The following SCRN1 variants were observed in gnomAD, a reference collection of about 807,000 sequenced individuals.
SCRN1 encodes secernin 1, also known as secernin-1.
Under a neutral mutation model 43.3 loss-of-function variants are expected in SCRN1, and 19 were observed. The ratio of observed to expected loss-of-function variants is 0.44; its 90% confidence interval spans 0.31 to 0.64. SCRN1 has a LOEUF of 0.64. SCRN1 is among the 30% of genes least tolerant of loss of function. The pLI, the probability that SCRN1 is intolerant of heterozygous loss-of-function variation, is 0.09. For missense variants in SCRN1, 447 were observed against 524.1 expected, an observed-to-expected ratio of 0.85 and a Z score of 1.44; for synonymous variants, 183 against 188.9, an observed-to-expected ratio of 0.97 and a Z score of 0.26.
chr7:29,981,314 C>T (rs751767648), intron 1 of SCRN1, among the ~76,000 whole-genome samples: 48 of 151,916 alleles, frequency 3.2e-4, no homozygotes, highest in Non-Finnish European at 5.9e-4. Flanking sequence ...TATTTTGAGC[C>T]CCTAACCACC....
At chr7:29,967,435 T>C (rs1788534214) in intron 2 of SCRN1, among the ~76,000 whole-genome samples, 1 of 151,482 alleles carries the variant, frequency 6.6e-6, no homozygotes, top group Non-Finnish European at 1.5e-5. Flanking sequence ...CACCATGTTG[T>C]CCAGGCTGGT....
At chr7:29,964,561 C>G (rs1416901162) in intron 2 of SCRN1, among the ~76,000 whole-genome samples, 1 of 152,122 alleles carries the variant, frequency 6.6e-6, no homozygotes, top group Non-Finnish European at 1.5e-5. Context: ...AAAGTATTCT[C>G]TATGATACTA....
chr7:29,948,781 T>G (rs772936314), intron 3 of SCRN1, among the ~76,000 whole-genome samples: 87 of 152,152 alleles, frequency 5.7e-4, no homozygotes, highest in Non-Finnish European at 1.1e-3. Flanking sequence ...GAGCAGATGG[T>G]TAAATTTTAG....
chr7:29,954,750 G>A (rs1018783609), intron 3 of SCRN1, among the ~76,000 whole-genome samples: 8 of 152,116 alleles, frequency 5.3e-5, no homozygotes, highest in Non-Finnish European at 8.8e-5. Context: ...ACATGATCTC[G>A]GCTCACTGCA....
chr7:29,941,415 A>T (rs1787549385), intron 4 of SCRN1, among the ~76,000 whole-genome samples: 1 of 152,252 alleles, frequency 6.6e-6, no homozygotes, highest in Non-Finnish European at 1.5e-5. Context: ...AAAAAATACA[A>T]ATCAAATACT....
Position 29,923,790 on chromosome 7 carries a change from C to T in SCRN1, c.*167G>A, listed in dbSNP as rs535954863. 14 of 719,700 alleles carry T rather than the reference C, an allele frequency of 1.9e-5. No individual in the cohort carries two copies. The highest frequency in any genetic ancestry group is 3.7e-4 in the Middle Eastern group (1 of 2,680). 44.6% of individuals were successfully genotyped at this position (719,700 alleles called of 1,614,324 possible). ...AGGAGACCTACATTGCAGAAGGGGA[C>T]GCTGTGAGATTCAAGGTGGAACACA... On this transcript the variant is annotated 3_prime_UTR_variant, in exon 8 of 8. Coordinates refer to ENST00000242059, the MANE Select transcript of SCRN1 (RefSeq NM_014766.5).
rs920803582 is a variant in SCRN1, at chr7:29,966,167, G to C, written c.159+2742C>G. ...AGAGAGAGACCGAGAGACAGAGAGAGAGAGAGAGAGAGAGAGAGAGAGAGA... is the reference window on the plus strand; with the variant it reads ...AGAGAGAGACCGAGAGACAGAGAGACAGAGAGAGAGAGAGAGAGAGAGAGA... On this transcript the variant is annotated intron_variant, in intron 2 of 7. Transcript: ENST00000242059. Among the ~76,000 whole-genome samples the C allele has an allele frequency of 2.1e-3, 301 of 143,014 alleles. 1 individual carries two copies. The highest frequency in any genetic ancestry group is 0.021 in the Admixed American group (282 of 13,676). 93.8% of individuals were successfully genotyped at this position (143,014 alleles called of 152,430 possible). A position where few individuals can be genotyped will look rare whatever the true frequency, so the allele number is the denominator to read the frequency against.
At chr7:29,983,156 G>A (rs1003244814) in intron 1 of SCRN1, among the ~76,000 whole-genome samples, 1 of 151,808 alleles carries the variant, frequency 6.6e-6, no homozygotes, top group Non-Finnish European at 1.5e-5. Flanking sequence ...TCTCTTCTTT[G>A]GTGTGAGCTT....
At chr7:29,977,983 A>G (rs954726141) in intron 1 of SCRN1, among the ~76,000 whole-genome samples, 1 of 152,198 alleles carries the variant, frequency 6.6e-6, no homozygotes, top group Non-Finnish European at 1.5e-5. Flanking sequence ...GACTTCAGAA[A>G]CTTTCCTTGA....
At chr7:29,970,897 T>A (rs1157249320) in intron 1 of SCRN1, among the ~76,000 whole-genome samples, 1 of 152,214 alleles carries the variant, frequency 6.6e-6, no homozygotes. Flanking sequence ...ACATCCATTT[T>A]GTTATAAAAT....
At chr7:29,958,834 G>C (rs898144197) in intron 2 of SCRN1, among the ~76,000 whole-genome samples, 1 of 152,178 alleles carries the variant, frequency 6.6e-6, no homozygotes, top group Non-Finnish European at 1.5e-5. Flanking sequence ...CCCAGAGCTG[G>C]AGTGTGGGCA....
intron 1 of SCRN1, among the ~76,000 whole-genome samples, chr7:29,983,402 T>C (rs915129450): frequency 2.2e-4 from 33 of 151,350 alleles, no homozygotes; most frequent in Non-Finnish European, 4.3e-4. Flanking sequence ...TGTATACATA[T>C]GTAACTAACC....
chr7:29,981,727 G>A (rs149036410), intron 1 of SCRN1, among the ~76,000 whole-genome samples: 31 of 152,286 alleles, frequency 2.0e-4, no homozygotes, highest in Admixed American at 6.5e-4. Flanking sequence ...TCTGAGGAAG[G>A]GAGGACAGCT....
rs1054487086 is a variant in SCRN1 at position 29,921,002 on chromosome 7, T to A, written c.*2955A>T. 6.5e-6 allele frequency: 1 copy of A among 152,686 alleles called. No individual in the cohort carries two copies. Among genetic ancestry groups the A allele is most frequent in the African/African-American group, 2.4e-5 (1 of 41,476 alleles). The allele number at this position is 152,686 out of a possible 1,614,324, so 9.5% of individuals were successfully genotyped here. ...TCCAAGAATGAAAGGGTACTATTTC[T>A]GCTTTGCTAATTTACTCCTGCCAGA... On this transcript the variant is annotated 3_prime_UTR_variant, in exon 8 of 8. Transcript: ENST00000242059.
At chr7:29,978,377 T>C (rs143737541) in intron 1 of SCRN1, among the ~76,000 whole-genome samples, 1 of 152,352 alleles carries the variant, frequency 6.6e-6, no homozygotes, top group Non-Finnish European at 1.5e-5. Context: ...AGTTGGGTAG[T>C]GGCTCCTCTC....
intron 2 of SCRN1, among the ~76,000 whole-genome samples, chr7:29,963,444 G>A (rs1367086402): frequency 1.3e-5 from 2 of 152,200 alleles, no homozygotes; most frequent in Non-Finnish European, 2.9e-5. Context: ...AGGACAGAAA[G>A]AGCAAAAGCA....
intron 6 of SCRN1, among the ~76,000 whole-genome samples, chr7:29,927,448 A>G (rs1787005454): frequency 6.8e-6 from 1 of 146,072 alleles, no homozygotes; most frequent in Non-Finnish European, 1.5e-5. Flanking sequence ...AGGGACCACT[A>G]TGGCCAACTG....
intron 1 of SCRN1, among the ~76,000 whole-genome samples, chr7:29,976,375 T>C (rs1788838702): frequency 6.6e-6 from 1 of 152,188 alleles, no homozygotes; most frequent in Non-Finnish European, 1.5e-5. Context: ...GCATCTAGAA[T>C]AGTAAAACTC....
chr7:29,966,576 T>G (rs1002368901), intron 2 of SCRN1, among the ~76,000 whole-genome samples: 1 of 152,156 alleles, frequency 6.6e-6, no homozygotes, highest in Non-Finnish European at 1.5e-5. Context: ...AGAGAAACAT[T>G]TGGACCCAAA....
Sources: gnomAD v4.1 joint callset for allele counts (sites outside exome capture counted in the v4.1 genomes callset) on GRCh38, gnomAD v4.1.1 for gene constraint, MANE v1.5 for transcripts, NCBI Gene and HGNC (gene_info 2026-07-23, HGNC 2026-07-21) for gene names.